SEC14L6: variants seen among roughly 807,000 people sequenced by gnomAD.
SEC14L6 encodes the protein SEC14 like lipid binding 6.
In SEC14L6, 40 loss-of-function variants were observed where a neutral mutation model predicts 54.1. The observed-to-expected ratio is 0.74, with a 90% confidence interval of 0.57 to 0.96. SEC14L6 has a LOEUF of 0.96. SEC14L6 is among the 40% of genes least tolerant of loss of function. SEC14L6 has a pLI of 0.00. For missense variants in SEC14L6, 471 were observed against 498.3 expected, an observed-to-expected ratio of 0.95 and a Z score of 0.52; for synonymous variants, 171 against 198.4, an observed-to-expected ratio of 0.86 and a Z score of 1.16.
chr22:30,541,145 C>T (rs2085701148), intron 1 of SEC14L6, among the ~76,000 whole-genome samples: 1 of 151,916 alleles, frequency 6.6e-6, no homozygotes, highest in African/African-American at 2.4e-5. Context: ...TTTGTTTATA[C>T]TTTGTTTTCT....
intron 1 of SEC14L6, chr22:30,543,733 G>T (rs896119491): frequency 1.1e-4 from 169 of 1,591,764 alleles, no homozygotes; most frequent in Non-Finnish European, 1.3e-4. Context: ...CCTACTGATG[G>T]AGGCTCTCTA....
At chr22:30,537,436 G>A (rs908767928) in intron 2 of SEC14L6, among the ~76,000 whole-genome samples, 5 of 152,226 alleles carry the variant, frequency 3.3e-5, no homozygotes, top group South Asian at 4.2e-4. Context: ...GCAACATGGC[G>A]AAACCCTGTC....
intron 1 of SEC14L6, chr22:30,544,044 C>T (rs1329857612): frequency 1.9e-6 from 3 of 1,545,598 alleles, no homozygotes; most frequent in Non-Finnish European, 2.7e-6. Flanking sequence ...CCGAGCTGTC[C>T]TTCTCAGAGT....
At chr22:30,535,276 TTAGCTG>T (rs1429534208) in intron 2 of SEC14L6, among the ~76,000 whole-genome samples, 1 of 152,208 alleles carries the variant, frequency 6.6e-6, no homozygotes, top group Non-Finnish European at 1.5e-5. Flanking sequence ...GAGCCCAGCC[TTAGCTG>T]GGCTGTCACC....
chr22:30,533,958 A>G, intron 3 of SEC14L6, 38 bp downstream of exon 3: 1 of 1,541,332 alleles, frequency 6.5e-7, no homozygotes, highest in Non-Finnish European at 8.8e-7. Context: ...GGGATAGGAA[A>G]CAGGACCAGG....
chr22:30,533,941 C>A, intron 3 of SEC14L6, 55 bp downstream of exon 3: 1 of 1,474,550 alleles, frequency 6.8e-7, no homozygotes. Context: ...ATTTGTGCCT[C>A]AGACTTGGGA....
chr22:30,538,065 C>T (rs2085630087), intron 2 of SEC14L6, among the ~76,000 whole-genome samples: 1 of 152,100 alleles, frequency 6.6e-6, no homozygotes, highest in Admixed American at 6.6e-5. Context: ...TTTGGCCAGA[C>T]GAGATGGCTC....
At chr22:30,532,965 G>T in intron 3 of SEC14L6, 109 bp from the exon 4 acceptor site, 1 of 1,523,136 alleles carries the variant, frequency 6.6e-7, no homozygotes, top group Non-Finnish European at 8.8e-7. Flanking sequence ...CTAAGGGCCT[G>T]CCAGAGCATC....
chr22:30,528,774 A>G (rs1936866622), intron 8 of SEC14L6, among the ~76,000 whole-genome samples: 2 of 152,264 alleles, frequency 1.3e-5, no homozygotes, highest in African/African-American at 2.4e-5. Flanking sequence ...AACCAAGACC[A>G]AGACAGAGCA....
At chr22:30,529,013 C>T (rs749364091) in intron 8 of SEC14L6, 74 bp downstream of exon 8, 14 of 1,276,526 alleles carry the variant, frequency 1.1e-5, no homozygotes, top group Non-Finnish European at 1.6e-5. Context: ...ATGCAGGAAC[C>T]ATCAGATCTG....
At chr22:30,531,007 G>C (rs1936950818) in intron 6 of SEC14L6, among the ~76,000 whole-genome samples, 1 of 152,206 alleles carries the variant, frequency 6.6e-6, no homozygotes, top group African/African-American at 2.4e-5. Context: ...AGGGAATCGG[G>C]CCCTGTTGTG....
In SEC14L6 at chr22:30,523,237, G is replaced by T. The variant is rs1936661457; in HGVS notation, c.*1760C>A. On this transcript the variant is annotated 3_prime_UTR_variant, in exon 12 of 12. Transcript: ENST00000402034. The stretch of plus-strand genomic sequence containing the variant: ...AGCTGGGACAACATGTGAGTGACAG[G>T]ATCCTGGGCAGAATCTCAGCTGACA... 1 of 152,210 alleles carries T rather than the reference G, an allele frequency of 6.6e-6. No individual in the cohort carries two copies. The highest frequency in any genetic ancestry group is 1.9e-4 in the East Asian group (1 of 5,186). The allele number at this position is 152,210 out of a possible 1,614,324, so 9.4% of individuals were successfully genotyped here.
chr22:30,532,034 G>A (rs1056582890), intron 5 of SEC14L6, 36 bp from the exon 6 acceptor site: 95 of 1,543,184 alleles, frequency 6.2e-5, no homozygotes, highest in Non-Finnish European at 8.0e-5. Flanking sequence ...ACCCTGTGAG[G>A]GCCACTGCCC....
intron 6 of SEC14L6, among the ~76,000 whole-genome samples, chr22:30,529,807 C>T (rs1247479396): frequency 6.6e-6 from 1 of 152,124 alleles, no homozygotes; most frequent in Non-Finnish European, 1.5e-5. Context: ...AGAAAAATCC[C>T]ATTCACGACT....
chr22:30,541,975 C>T (rs1258294843), intron 1 of SEC14L6, among the ~76,000 whole-genome samples: 1 of 152,224 alleles, frequency 6.6e-6, no homozygotes, highest in Non-Finnish European at 1.5e-5. Context: ...CACACACTAC[C>T]TTGAGGAAGA....
At chr22:30,539,001 T>G in intron 1 of SEC14L6, 99 bp from the exon 2 acceptor site, 1 of 789,694 alleles carries the variant, frequency 1.3e-6, no homozygotes, top group African/African-American at 1.7e-5. Flanking sequence ...AGTGAAGAGG[T>G]CCCACTCGGG....
rs1291541185 is a variant in SEC14L6 at position 30,524,104 on chromosome 22, A to G, written c.*893T>C. 1 of 152,208 alleles carries G rather than the reference A, an allele frequency of 6.6e-6. No homozygotes were observed. The highest frequency in any genetic ancestry group is 2.4e-5 in the African/African-American group (1 of 41,448). The allele number at this position is 152,208 out of a possible 1,614,324, so 9.4% of individuals were successfully genotyped here. A position where few individuals can be genotyped will look rare whatever the true frequency, so the allele number is the denominator to read the frequency against. ...CCCTTATTCCACGGAGCCTGCTGAA[A>G]TTATTCAAACTAGCAAATCTCAAGC... is the stretch of plus-strand genomic sequence containing the variant. On this transcript the variant is annotated 3_prime_UTR_variant, in exon 12 of 12. Transcript: ENST00000402034.
At chr22:30,540,815 T>C (rs1306269515) in intron 1 of SEC14L6, among the ~76,000 whole-genome samples, 1 of 151,830 alleles carries the variant, frequency 6.6e-6, no homozygotes, top group Non-Finnish European at 1.5e-5. Flanking sequence ...GGCCAGGAGT[T>C]CGAGATCAGC....
intron 1 of SEC14L6, chr22:30,544,385 T>C (rs5997678): frequency 0.062 from 14,647 of 235,614 alleles, 593 homozygotes; most frequent in South Asian, 0.086. Flanking sequence ...TCCATCACCA[T>C]GTGGGTTTTG....
Sources: gnomAD v4.1 joint callset for allele counts (sites outside exome capture counted in the v4.1 genomes callset) on GRCh38, gnomAD v4.1.1 for gene constraint, MANE v1.5 for transcripts, NCBI Gene and HGNC (gene_info 2026-07-23, HGNC 2026-07-21) for gene names.